PLXNC1: variants seen among roughly 807,000 people sequenced by gnomAD.
PLXNC1 encodes the protein plexin-C1.
In PLXNC1, 75 loss-of-function variants were observed where a neutral mutation model predicts 178.2. The ratio of observed to expected loss-of-function variants is 0.42; its 90% CI spans 0.35 to 0.51. PLXNC1 has a LOEUF of 0.51. Ranked by LOEUF, PLXNC1 falls within the 20% of genes least tolerant of loss-of-function variation. The probability of loss-of-function intolerance (pLI) is 0.02; values close to 1 mark genes in which losing one functional copy is unlikely to be tolerated. For missense variants in PLXNC1, 1,503 were observed against 1,984.4 expected, an observed-to-expected ratio of 0.76 and a Z score of 4.61; for synonymous variants, 790 against 779.9, an observed-to-expected ratio of 1.01 and a Z score of -0.22.
chr12:94,160,073 A>G (rs1420641784), intron 1 of PLXNC1, among the ~76,000 whole-genome samples: 1 of 152,110 alleles, frequency 6.6e-6, no homozygotes, highest in Non-Finnish European at 1.5e-5. Flanking sequence ...CTAAGTAGGG[A>G]GTTGGCAATG....
chr12:94,229,356 C>T (rs1173617039), intron 9 of PLXNC1, among the ~76,000 whole-genome samples: 1 of 152,182 alleles, frequency 6.6e-6, no homozygotes, highest in East Asian at 1.9e-4. Flanking sequence ...CCATAGGTTT[C>T]CTTTTCATTC....
At chr12:94,239,008 T>A (rs967748976) in intron 10 of PLXNC1, among the ~76,000 whole-genome samples, 2 of 152,232 alleles carry the variant, frequency 1.3e-5, no homozygotes, top group Non-Finnish European at 2.9e-5. Flanking sequence ...ACCTGTGTAT[T>A]CACTGAAAGG....
At chr12:94,227,950 C>A (rs1377273271) in intron 9 of PLXNC1, among the ~76,000 whole-genome samples, 1 of 152,136 alleles carries the variant, frequency 6.6e-6, no homozygotes, top group Non-Finnish European at 1.5e-5. Flanking sequence ...GAGGATAAGT[C>A]CTGCCCTCGC....
chr12:94,246,334 TG>T (rs904088376), intron 12 of PLXNC1, among the ~76,000 whole-genome samples: 34 of 152,310 alleles, frequency 2.2e-4, no homozygotes, highest in African/African-American at 7.7e-4. Flanking sequence ...CCCTTTGGGC[TG>T]TGGTTAGCAG....
At chr12:94,283,523 T>A (rs549342024) in intron 23 of PLXNC1, among the ~76,000 whole-genome samples, 1 of 152,248 alleles carries the variant, frequency 6.6e-6, no homozygotes, top group East Asian at 1.9e-4. Flanking sequence ...AAGACAGGAA[T>A]TGAGATAAAG....
At chr12:94,176,383 G>A (rs1227023575) in intron 2 of PLXNC1, 1 of 152,146 alleles carries the variant, frequency 6.6e-6, no homozygotes, top group Non-Finnish European at 1.5e-5. Context: ...ACACTGACCT[G>A]TCCTTTAGTC....
At chr12:94,182,612 C>G (rs924756516) in intron 3 of PLXNC1, among the ~76,000 whole-genome samples, 1 of 151,400 alleles carries the variant, frequency 6.6e-6, no homozygotes, top group Non-Finnish European at 1.5e-5. Flanking sequence ...GTAATCCCAG[C>G]TACTTGGGAG....
At chr12:94,155,345 A>C (rs1961127582) in intron 1 of PLXNC1, among the ~76,000 whole-genome samples, 1 of 152,214 alleles carries the variant, frequency 6.6e-6, no homozygotes, top group African/African-American at 2.4e-5. Flanking sequence ...CCTACACCAG[A>C]CTTACTAAAT....
Position 94,217,803 on chromosome 12 carries a change from C to G in PLXNC1, c.1555-2213C>G, listed in dbSNP as rs117152213. On this transcript the variant is annotated intron_variant, in intron 5 of 30. Coordinates refer to ENST00000258526, the MANE Select transcript of PLXNC1 (RefSeq NM_005761.3). ...TCCAGTTTTATTCTGGTGGAATGTT[C>G]TATACTTCTACTAGTCTATAAGCTC... 2.8e-4 allele frequency among the ~76,000 whole-genome samples: 43 copies of G among 152,248 alleles called. No individual in the cohort carries two copies. In the East Asian group the frequency reaches 7.9e-3, roughly 28 times the overall value.
chr12:94,199,649 A>G (rs980549998), intron 4 of PLXNC1, among the ~76,000 whole-genome samples: 1 of 152,132 alleles, frequency 6.6e-6, no homozygotes, highest in African/African-American at 2.4e-5. Context: ...GAGAGGAGCT[A>G]TGAGTTCTAT....
intron 5 of PLXNC1, among the ~76,000 whole-genome samples, chr12:94,211,628 A>G (rs1446471000): frequency 6.6e-6 from 1 of 152,236 alleles, no homozygotes; most frequent in Non-Finnish European, 1.5e-5. Context: ...ATATAATAAG[A>G]ACCTCTGTTC....
At chr12:94,270,078 G>A (rs866534811) in intron 21 of PLXNC1, among the ~76,000 whole-genome samples, 10 of 152,156 alleles carry the variant, frequency 6.6e-5, no homozygotes, top group Middle Eastern at 3.4e-3. Context: ...GTTATTGTTA[G>A]GATCATTATT....
chr12:94,254,471 A>G (rs562826883), intron 15 of PLXNC1: 1 of 507,520 alleles, frequency 2.0e-6, no homozygotes, highest in African/African-American at 1.9e-5. Flanking sequence ...TTGTTTCATT[A>G]CGTTTCAGCC....
intron 22 of PLXNC1, chr12:94,281,889 C>A (rs1966468539): frequency 5.3e-6 from 1 of 188,994 alleles, no homozygotes; most frequent in Admixed American, 5.5e-5. Context: ...GGTGCTGGGA[C>A]CTTCGCACAC....
At chr12:94,219,653 G>T (rs1963734722) in intron 5 of PLXNC1, among the ~76,000 whole-genome samples, 1 of 152,090 alleles carries the variant, frequency 6.6e-6, no homozygotes, top group Admixed American at 6.5e-5. Context: ...AAATATGACA[G>T]ATAAAGATTA....
intron 3 of PLXNC1, among the ~76,000 whole-genome samples, chr12:94,182,941 G>A (rs1311203465): frequency 1.3e-5 from 2 of 151,472 alleles, no homozygotes; most frequent in Non-Finnish European, 2.9e-5. Context: ...AGCCTTTGCA[G>A]GGCTGTGACA....
At chr12:94,221,342 A>C (rs1211864904) in intron 6 of PLXNC1, among the ~76,000 whole-genome samples, 1 of 152,088 alleles carries the variant, frequency 6.6e-6, no homozygotes. Context: ...TCCAAGTGAG[A>C]GAGAAAGTGA....
chr12:94,254,740 G>A (rs1305417676), intron 15 of PLXNC1, 47 bp from the exon 16 acceptor site: 2 of 1,399,524 alleles, frequency 1.4e-6, no homozygotes, highest in Non-Finnish European at 2.0e-6. Flanking sequence ...TTCATTTTTG[G>A]TTTTTGAGTT....
At chr12:94,212,414 T>G (rs1254512897) in intron 5 of PLXNC1, among the ~76,000 whole-genome samples, 3 of 152,134 alleles carry the variant, frequency 2.0e-5, no homozygotes, top group Non-Finnish European at 4.4e-5. Flanking sequence ...CCATGTTGGT[T>G]TGCTGCACCC....
Sources: allele counts gnomAD v4.1 joint callset (sites outside exome capture counted in the v4.1 genomes callset), GRCh38; gene constraint gnomAD v4.1.1; transcripts MANE v1.5; gene names NCBI Gene and HGNC (gene_info 2026-07-23, HGNC 2026-07-21).